GRB10: variants seen among roughly 807,000 people sequenced by gnomAD.
GRB10 encodes growth factor receptor bound protein 10.
GRB10 carries 20 observed loss-of-function variants against 80.9 expected under a neutral mutation model. The ratio of observed to expected loss-of-function variants is 0.25; its 90% CI spans 0.17 to 0.36. The LOEUF (loss-of-function observed/expected upper bound fraction) is 0.36, where lower values mean the gene tolerates loss of function less well. GRB10 is among the 10% of genes least tolerant of loss of function. The probability of loss-of-function intolerance (pLI) is 1.00; values close to 1 mark genes in which losing one functional copy is unlikely to be tolerated. For synonymous variants in GRB10, 291 were observed against 291.5 expected (o/e 1.00, Z 0.02); for missense variants, 548 against 747.7 (o/e 0.73, Z 3.12).
chr7:50,634,332 A>G (rs1049753121), intron 7 of GRB10, among the ~76,000 whole-genome samples: 1 of 152,208 alleles, frequency 6.6e-6, no homozygotes, highest in African/African-American at 2.4e-5. Flanking sequence ...TTTCCCAGAT[A>G]AGCCAATGCT....
intron 3 of GRB10, among the ~76,000 whole-genome samples, chr7:50,737,418 T>G (rs4947828): frequency 0.82 from 124,169 of 152,190 alleles, 50,957 homozygotes; most frequent in African/African-American, 0.9. Context: ...TTCACCTTCC[T>G]CCATGAGTCT....
At position 50,591,418 on chromosome 7, in the gene GRB10, T is replaced by C. The variant is rs1182909509; in HGVS notation, c.*1534A>G. ...GTGGGGCGGATTTGGGGCAATATCA[T>C]GGCCAGCACACATTAATAGAAGCCA... is the stretch of plus-strand genomic sequence containing the variant. On this transcript the variant is annotated 3_prime_UTR_variant, in exon 19 of 19. Coordinates refer to ENST00000401949, the MANE Select transcript of GRB10 (RefSeq NM_001350814.2). 1.3e-5 allele frequency: 2 copies of C among 152,258 alleles called. No individual in the cohort carries two copies. The highest frequency in any genetic ancestry group is 1.5e-5 in the Non-Finnish European group (1 of 68,086). 9.4% of individuals were successfully genotyped at this position (152,258 alleles called of 1,614,324 possible).
intron 7 of GRB10, among the ~76,000 whole-genome samples, chr7:50,644,441 G>A (rs776315293): frequency 2.2e-4 from 33 of 151,856 alleles, no homozygotes; most frequent in Non-Finnish European, 4.4e-4. Flanking sequence ...TCTTGTATTG[G>A]AAGCCCAAAA....
intron 15 of GRB10, chr7:50,604,945 T>C: frequency 3.1e-6 from 1 of 326,454 alleles, no homozygotes; most frequent in South Asian, 3.9e-5. Context: ...TGTGAGCACC[T>C]GCTGGCCCCA....
At chr7:50,754,043 T>A (rs1251403106) in intron 3 of GRB10, among the ~76,000 whole-genome samples, 1 of 152,198 alleles carries the variant, frequency 6.6e-6, no homozygotes, top group Non-Finnish European at 1.5e-5. Context: ...TGAAGGATCT[T>A]GGGCAATGCA....
chr7:50,783,923 T>G (rs1457166320), upstream of GRB10, among the ~76,000 whole-genome samples: 2 of 152,110 alleles, frequency 1.3e-5, no homozygotes. Flanking sequence ...CTGGAAAAAG[T>G]GCAGATATGC....
chr7:50,755,136 C>T (rs76112429), intron 3 of GRB10, among the ~76,000 whole-genome samples: 1,890 of 152,306 alleles, frequency 0.012, 52 homozygotes, highest in African/African-American at 0.043. Flanking sequence ...CGGGGAAGCC[C>T]GAGCTAACAG....
At chr7:50,693,676 C>T (rs1361217115) in intron 5 of GRB10, among the ~76,000 whole-genome samples, 6 of 152,076 alleles carry the variant, frequency 3.9e-5, no homozygotes, top group Non-Finnish European at 4.4e-5. Flanking sequence ...GGCTTTACTA[C>T]GACAATCACA....
At chr7:50,691,221 T>A (rs1203625239) in intron 5 of GRB10, among the ~76,000 whole-genome samples, 1 of 152,158 alleles carries the variant, frequency 6.6e-6, no homozygotes, top group Non-Finnish European at 1.5e-5. Flanking sequence ...TTTGAGCCAC[T>A]GAACGATCGA....
intron 17 of GRB10, among the ~76,000 whole-genome samples, chr7:50,603,797 T>C (rs1056944299): frequency 1.3e-5 from 2 of 152,234 alleles, no homozygotes; most frequent in African/African-American, 4.8e-5. Context: ...TGGGCAGACA[T>C]GGATTAGATC....
chr7:50,709,326 G>A (rs2065508461), intron 4 of GRB10, among the ~76,000 whole-genome samples: 1 of 152,198 alleles, frequency 6.6e-6, no homozygotes, highest in East Asian at 1.9e-4. Context: ...GCCAGGCAGT[G>A]AGTCTGCCTG....
chr7:50,613,879 G>C (rs537803753), intron 12 of GRB10, among the ~76,000 whole-genome samples: 80 of 152,330 alleles, frequency 5.3e-4, no homozygotes, highest in African/African-American at 1.8e-3. Context: ...GTGTTCTCGG[G>C]ATGTGGCTTG....
intron 7 of GRB10, among the ~76,000 whole-genome samples, chr7:50,635,147 T>G (rs2054713245): frequency 6.6e-6 from 1 of 152,220 alleles, no homozygotes; most frequent in African/African-American, 2.4e-5. Context: ...CACATTTCAA[T>G]AAATTTTTTA....
chr7:50,686,849 A>G (rs540771462), intron 5 of GRB10, among the ~76,000 whole-genome samples: 1 of 152,266 alleles, frequency 6.6e-6, no homozygotes, highest in East Asian at 1.9e-4. Context: ...AGTCTGCCTA[A>G]CTCCAAAGTT....
chr7:50,637,256 C>A (rs991263813), intron 7 of GRB10, among the ~76,000 whole-genome samples: 1 of 152,202 alleles, frequency 6.6e-6, no homozygotes, highest in Non-Finnish European at 1.5e-5. Context: ...GTGTGAGCCA[C>A]TGCCTTAATC....
chr7:50,632,263 T>C (rs758549384), intron 7 of GRB10, among the ~76,000 whole-genome samples: 16 of 152,166 alleles, frequency 1.1e-4, no homozygotes, highest in Admixed American at 9.8e-4. Context: ...AATAATCCTG[T>C]TCAATTATAG....
intron 5 of GRB10, among the ~76,000 whole-genome samples, chr7:50,701,456 T>C (rs767238374): frequency 2.6e-5 from 4 of 152,140 alleles, no homozygotes; most frequent in Non-Finnish European, 4.4e-5. Flanking sequence ...CTGGGAGTAG[T>C]GGCGCACACC....
At chr7:50,639,752 AG>A (rs1432370781) in intron 7 of GRB10, among the ~76,000 whole-genome samples, 2 of 152,086 alleles carry the variant, frequency 1.3e-5, no homozygotes, top group African/African-American at 4.8e-5. Context: ...TCACTGGCTA[AG>A]GGGGTGGACA....
At chr7:50,771,270 C>T (rs905052122) in intron 2 of GRB10, among the ~76,000 whole-genome samples, 3 of 152,170 alleles carry the variant, frequency 2.0e-5, no homozygotes, top group African/African-American at 4.8e-5. Flanking sequence ...CATTCCATTC[C>T]GGTCCACTCC....
Sources: allele counts gnomAD v4.1 joint callset (sites outside exome capture counted in the v4.1 genomes callset), GRCh38; gene constraint gnomAD v4.1.1; transcripts MANE v1.5; gene names NCBI Gene and HGNC (gene_info 2026-07-23, HGNC 2026-07-21).